DIAPH2: variants seen among roughly 807,000 people sequenced by gnomAD.
DIAPH2 encodes diaphanous related formin 2, also known as protein diaphanous homolog 2.
In DIAPH2, 35 loss-of-function variants were observed where a neutral mutation model predicts 92.7. The ratio of observed to expected loss-of-function variants is 0.38; its 90% CI spans 0.29 to 0.50. The LOEUF is 0.50. DIAPH2 is among the 20% of genes least tolerant of loss of function. DIAPH2 has a pLI of 0.94. For missense variants in DIAPH2, 701 were observed against 819.5 expected, an observed-to-expected ratio of 0.86 and a Z score of 1.77; for synonymous variants, 301 against 280.4, an observed-to-expected ratio of 1.07 and a Z score of -0.73.
At chrX:96,801,194 C>A (rs1282698420) in intron 4 of DIAPH2, among the ~76,000 whole-genome samples, 1 of 112,245 alleles carries the variant, frequency 8.9e-6, no homozygotes, top group African/African-American at 3.2e-5. Flanking sequence ...GCATATTGAA[C>A]AAGACACTCT....
intron 4 of DIAPH2, among the ~76,000 whole-genome samples, chrX:96,787,126 A>G (rs1056719846): frequency 1.3e-4 from 14 of 111,788 alleles, no homozygotes; most frequent in African/African-American, 4.6e-4. Flanking sequence ...TATTTGTTTC[A>G]GTAGCAGTAC....
chrX:96,991,307 G>T (rs1219459075), intron 17 of DIAPH2, among the ~76,000 whole-genome samples: 2 of 109,671 alleles, frequency 1.8e-5, no homozygotes, highest in Non-Finnish European at 3.8e-5. Context: ...TTGTAGAGAA[G>T]GGGTTTCTCT....
At chrX:97,483,844 A>G (rs1047522189) in intron 26 of DIAPH2, among the ~76,000 whole-genome samples, 3 of 111,888 alleles carry the variant, frequency 2.7e-5, no homozygotes, top group African/African-American at 9.7e-5. Flanking sequence ...AAATTTTCTG[A>G]GTTAAAACAA....
intron 17 of DIAPH2, among the ~76,000 whole-genome samples, chrX:97,027,578 C>T (rs776596394): frequency 1.8e-5 from 2 of 112,067 alleles, no homozygotes; most frequent in East Asian, 5.6e-4. Context: ...GCACATGTGG[C>T]GTTACTGCAG....
chrX:96,706,059 G>A lies in DIAPH2; in HGVS notation c.132+20869G>A, dbSNP rs1480725916. ...ATTTGATTTGTTTGCTAACTCTTAA[G>A]AATTGGGAGTTTGTACACATAAATC... is the stretch of plus-strand genomic sequence containing the variant. On this transcript the variant is annotated intron_variant, in intron 1 of 26. Coordinates refer to ENST00000324765, the MANE Select transcript of DIAPH2 (RefSeq NM_006729.5). Among the ~76,000 whole-genome samples, 7 of 112,449 alleles carry A rather than the reference G, an allele frequency of 6.2e-5. No individual in the cohort carries two copies. In the Admixed American group the frequency reaches 6.6e-4, roughly 11 times the overall value.
chrX:97,260,600 G>C (rs1440309937), intron 23 of DIAPH2, among the ~76,000 whole-genome samples: 5 of 112,093 alleles, frequency 4.5e-5, no homozygotes, highest in Non-Finnish European at 9.4e-5. Context: ...TTTAAAGTTG[G>C]AGTTAGAAAT....
At chrX:97,597,990 G>C (rs1451404218) in intron 26 of DIAPH2, among the ~76,000 whole-genome samples, 1 of 111,208 alleles carries the variant, frequency 9.0e-6, no homozygotes, top group Non-Finnish European at 1.9e-5. Flanking sequence ...AATGAGGCTG[G>C]GGTCATGGAG....
At position 97,264,987 on chromosome X, in the gene DIAPH2, AAAC is replaced by A. The variant is rs752789119; in HGVS notation, c.2844+17157_2844+17159del. ...GACAGAGGAAGACTGTCTCAAAAAA[AAAC>A]AACAACAAAAAAAAGACTTTATTCT... On this transcript the variant is annotated intron_variant, in intron 23 of 26. Transcript: ENST00000324765. 3.6e-5 allele frequency among the ~76,000 whole-genome samples: 4 copies of A among 111,491 alleles called. No homozygotes were observed. In the South Asian group the frequency reaches 1.1e-3, roughly 32 times the overall value.
At chrX:97,026,239 C>A (rs5920692) in intron 17 of DIAPH2, among the ~76,000 whole-genome samples, 3,999 of 111,651 alleles carry the variant, frequency 0.036, 88 homozygotes, top group Middle Eastern at 0.085. Flanking sequence ...CTTATGGGGA[C>A]TCATATTGTT....
chrX:96,979,541 A>G lies in DIAPH2; in HGVS notation c.2050+14334A>G, dbSNP rs765327303. Among the ~76,000 whole-genome samples the G allele has an allele frequency of 3.5e-4, 39 of 112,340 alleles. 1 individual carries two copies. Among genetic ancestry groups the G allele is most frequent in the Non-Finnish European group, 6.2e-4 (33 of 53,308 alleles). On this transcript the variant is annotated intron_variant, in intron 17 of 26. Coordinates refer to ENST00000324765, the MANE Select transcript of DIAPH2 (RefSeq NM_006729.5). ...TTAACCAATTCTTCATTTGGCTTGT[A>G]TTTAGATGACACTTCCATCAGAATG...
intron 15 of DIAPH2, among the ~76,000 whole-genome samples, chrX:96,956,812 C>T (rs1332635348): frequency 8.9e-6 from 1 of 112,212 alleles, no homozygotes; most frequent in African/African-American, 3.2e-5. Context: ...AAGTTCCAAA[C>T]TTTCCCACAT....
chrX:97,194,579 C>T (rs1425604584), intron 22 of DIAPH2, among the ~76,000 whole-genome samples: 3 of 111,364 alleles, frequency 2.7e-5, no homozygotes, highest in Admixed American at 9.6e-5. Flanking sequence ...CCACTGCACC[C>T]GGCCCCTAGA....
chrX:96,715,066 G>C (rs2063941762), intron 1 of DIAPH2, among the ~76,000 whole-genome samples: 1 of 111,968 alleles, frequency 8.9e-6, no homozygotes, highest in Non-Finnish European at 1.9e-5. Context: ...TATTAAGCAA[G>C]GGACATTTCT....
At chrX:97,090,338 A>C in intron 19 of DIAPH2, among the ~76,000 whole-genome samples, 1 of 45,429 alleles carries the variant, frequency 2.2e-5, no homozygotes, top group Non-Finnish European at 4.1e-5. Flanking sequence ...TTTTTTTGAG[A>C]AAGAGCTCTG....
intron 17 of DIAPH2, among the ~76,000 whole-genome samples, chrX:97,055,164 G>A (rs1346808336): frequency 2.8e-5 from 3 of 106,869 alleles, no homozygotes; most frequent in Non-Finnish European, 3.8e-5. Context: ...GGATCCTCCC[G>A]CCTCGGCCTC....
chrX:96,845,491 A>G (rs754792640), intron 4 of DIAPH2, among the ~76,000 whole-genome samples: 107 of 112,172 alleles, frequency 9.5e-4, no homozygotes, highest in African/African-American at 3.3e-3. Flanking sequence ...TACCATTTCC[A>G]TATTCAAAAG....
chrX:97,421,449 A>G (rs776870500), intron 25 of DIAPH2, among the ~76,000 whole-genome samples: 2 of 111,713 alleles, frequency 1.8e-5, no homozygotes, highest in Non-Finnish European at 3.8e-5. Context: ...AATCTGGACC[A>G]TGATAGATAC....
intron 4 of DIAPH2, among the ~76,000 whole-genome samples, chrX:96,760,088 T>A (rs2064258484): frequency 9.0e-6 from 1 of 111,458 alleles, no homozygotes; most frequent in Non-Finnish European, 1.9e-5. Flanking sequence ...TATGAGCACC[T>A]GAAATATGCA....
chrX:96,892,564 T>G (rs1326641071), intron 5 of DIAPH2, among the ~76,000 whole-genome samples: 1 of 111,959 alleles, frequency 8.9e-6, no homozygotes, highest in Non-Finnish European at 1.9e-5. Flanking sequence ...CATGGAAATT[T>G]TAATTATATA....
Sources: allele counts gnomAD v4.1 joint callset (sites outside exome capture counted in the v4.1 genomes callset), GRCh38; gene constraint gnomAD v4.1.1; transcripts MANE v1.5; gene names NCBI Gene and HGNC (gene_info 2026-07-23, HGNC 2026-07-21).